Variants in GCAT observed in about 807,000 individuals in gnomAD.
GCAT encodes the protein glycine C-acetyltransferase.
A neutral mutation model predicts 39.7 loss-of-function variants in GCAT; 26 were observed. That is an observed-to-expected ratio of 0.65 (90% CI 0.48 to 0.91). The LOEUF (loss-of-function observed/expected upper bound fraction) is 0.91, where lower values mean the gene tolerates loss of function less well. Ranked by LOEUF, GCAT falls within the 40% of genes least tolerant of loss-of-function variation. The probability of loss-of-function intolerance (pLI) is 0.00; values close to 1 mark genes in which losing one functional copy is unlikely to be tolerated. For synonymous variants in GCAT, 218 were observed against 237.2 expected (o/e 0.92, Z 0.74); for missense variants, 550 against 576.2 (o/e 0.95, Z 0.47).
At position 37,816,661 on chromosome 22, in the gene GCAT, T is replaced by C. The variant is rs1405857785; in HGVS notation, c.1203T>C (p.Ile401=). The C allele has an allele frequency of 2.5e-6, 4 of 1,613,980 alleles. No homozygotes were observed. The highest frequency in any genetic ancestry group is 2.5e-6 in the Non-Finnish European group (3 of 1,180,030). ...CAGCAGTGCATAGCGAGGAAGACAT[T>C]GACCGCTGCGTGGAGGCCTTCGTGG... ...QISAVHSEED[I]DRCVEAFVEV... is the part of the protein sequence containing the mutation. Residue 401 remains isoleucine, a synonymous_variant, in exon 9 of 9, where the codon ATT becomes ATC. Transcript: ENST00000248924.
Position 37,815,569 on chromosome 22 carries a change from TG to T in GCAT, c.814+73del, listed in dbSNP as rs1367937738. ...AGGGCCCTGGAGGGGCTCAGGGAAGTGGGGAGGGCAGCATGGACTGTACTTT... is the reference window on the plus strand; with the variant it reads ...AGGGCCCTGGAGGGGCTCAGGGAAGTGGGAGGGCAGCATGGACTGTACTTT... On this transcript the variant is annotated intron_variant, in intron 6 of 8. Coordinates refer to ENST00000248924, the MANE Select transcript of GCAT (RefSeq NM_014291.4). 4.0e-6 allele frequency: 6 copies of T among 1,502,500 alleles called. No individual in the cohort carries two copies. The African/African-American group carries it at 6.9e-5, about 17-fold the overall frequency. 93.1% of individuals were successfully genotyped at this position (1,502,500 alleles called of 1,614,324 possible).
At position 37,816,295 on chromosome 22, in the gene GCAT, G is replaced by A. The variant is rs113961840; in HGVS notation, c.1082G>A (p.Arg361His). ...VMLGDARLAS[R>H]MADDMLKRGI... ...CTGGGTGATGCCCGGCTGGCCTCTC[G>A]CATGGCGGATGACATGCTGAAGAGA... The change falls in exon 8 of 9, where the codon CGC becomes CAC. Residue 361 changes from arginine (R) to histidine (H), a missense_variant. Coordinates refer to ENST00000248924, the MANE Select transcript of GCAT (RefSeq NM_014291.4). The A allele has an allele frequency of 1.4e-4, 229 of 1,612,096 alleles. 1 individual carries two copies. Among genetic ancestry groups the A allele is most frequent in the African/African-American group, 2.0e-4 (15 of 74,898 alleles).
At chr22:37,814,534 A>G (rs537514312) in intron 4 of GCAT, among the ~76,000 whole-genome samples, 3 of 152,144 alleles carry the variant, frequency 2.0e-5, no homozygotes, top group Non-Finnish European at 4.4e-5. Flanking sequence ...AAGTGTTGGG[A>G]TTACAGGCAT....
chr22:37,813,213 C>T, intron 3 of GCAT: 1 of 653,652 alleles, frequency 1.5e-6, no homozygotes, highest in Non-Finnish European at 2.8e-6. Flanking sequence ...GCTACATCAG[C>T]TGGAAGGCTG....
rs1232475939 is a variant in GCAT at position 37,808,160 on chromosome 22, G to T, written c.193G>T (p.Gly65Ter). Residue 65 changes from glycine to a stop codon, truncating the protein, a stop_gained, in exon 1 of 9, where the codon GGA becomes TGA. Coordinates refer to ENST00000248924, the MANE Select transcript of GCAT (RefSeq NM_014291.4). LOFTEE classifies it high-confidence loss of function. Reference protein sequence around the residue: ...GPHIRVDGVSGGILNFCANNY... With the variant: ...GPHIRVDGVS ...GCACATCCGCGTGGACGGCGTCTCC[G>T]GAGGTAACGCTCCGTTCCGGGAGTC... 1 of 1,499,896 alleles carries T rather than the reference G, an allele frequency of 6.7e-7. No homozygotes were observed. Among genetic ancestry groups the T allele is most frequent in the Admixed American group, 2.2e-5 (1 of 45,700 alleles). The allele number at this position is 1,499,896 out of a possible 1,614,324, so 92.9% of individuals were successfully genotyped here.
chr22:37,813,662 G>C, intron 4 of GCAT, 53 bp downstream of exon 4: 1 of 1,495,074 alleles, frequency 6.7e-7, no homozygotes, highest in Non-Finnish European at 8.9e-7. Flanking sequence ...AGGAAGTGAG[G>C]CTTAGAGAGG....
At chr22:37,812,673 A>G (rs900453372) in intron 2 of GCAT, among the ~76,000 whole-genome samples, 6 of 152,190 alleles carry the variant, frequency 3.9e-5, no homozygotes, top group African/African-American at 1.4e-4. Flanking sequence ...AAGTCTGCCC[A>G]GGGAGGGAAC....
chr22:37,814,704 C>T (rs1246848687), intron 4 of GCAT, among the ~76,000 whole-genome samples: 3 of 152,170 alleles, frequency 2.0e-5, no homozygotes, highest in African/African-American at 7.2e-5. Context: ...CACTATGTTG[C>T]CCAGGTGGGT....
rs758537417 is a variant in GCAT at position 37,813,557 on chromosome 22, G to A, written c.524G>A (p.Arg175His). The A allele has an allele frequency of 1.4e-5, 22 of 1,613,334 alleles. No individual in the cohort carries two copies. Among genetic ancestry groups the A allele is most frequent in the South Asian group, 9.9e-5 (9 of 91,060 alleles). Residue 175 changes from arginine to histidine, a missense_variant, in exon 4 of 9, where the codon CGC (arginine) becomes CAC (histidine). This residue lies in a region of GCAT where 378 missense variants were observed against 390.4 expected (regional missense o/e 0.97). Coordinates refer to ENST00000248924, the MANE Select transcript of GCAT (RefSeq NM_014291.4). The stretch of plus-strand genomic sequence containing the variant: ...CGGCTGTGCAAGGCCCACAAGTACC[G>A]CTATCGCCACCTGGACATGGCCGAC... ...GIRLCKAHKY[R>H]YRHLDMADLE... is the part of the protein sequence containing the mutation.
In GCAT at chr22:37,813,535, C is replaced by G; in HGVS notation, c.502C>G (p.Leu168Val). 1 of 1,613,562 alleles carries G rather than the reference C, an allele frequency of 6.2e-7. No homozygotes were observed. The highest frequency in any genetic ancestry group is 8.5e-7 in the Non-Finnish European group (1 of 1,179,952). ...TGCCTCCATCATCGACGGCATCCGG[C>G]TGTGCAAGGCCCACAAGTACCGCTA... Reference protein sequence around the residue: ...NHASIIDGIRLCKAHKYRYRH... With the variant: ...NHASIIDGIRVCKAHKYRYRH... Residue 168 changes from leucine (L) to valine (V), a missense_variant, in exon 4 of 9, where the codon CTG becomes GTG. Physicochemically the swap from Leu to Val is conservative, Grantham distance 32. Coordinates refer to ENST00000248924, the MANE Select transcript of GCAT (RefSeq NM_014291.4).
rs1287647624 is a variant in GCAT, at chr22:37,808,159, C to G, written c.192C>G (p.Ser64=). 5.4e-6 allele frequency: 8 copies of G among 1,494,346 alleles called. No homozygotes were observed. Among genetic ancestry groups the G allele is most frequent in the Admixed American group, 2.2e-5 (1 of 44,692 alleles). 92.6% of individuals were successfully genotyped at this position (1,494,346 alleles called of 1,614,324 possible). A position where few individuals can be genotyped will look rare whatever the true frequency, so the allele number is the denominator to read the frequency against. ...QGPHIRVDGV[S]GGILNFCANN... ...CGCACATCCGCGTGGACGGCGTCTC[C>G]GGAGGTAACGCTCCGTTCCGGGAGT... The change falls in exon 1 of 9, where the codon TCC becomes TCG. Residue 64 remains serine, a synonymous_variant. Transcript: ENST00000248924.
chr22:37,816,439 T>C (rs1037879460), intron 8 of GCAT, 118 bp downstream of exon 8: 70 of 1,523,734 alleles, frequency 4.6e-5, no homozygotes, highest in South Asian at 2.4e-4. Context: ...GCCAGCTGTC[T>C]GTCTAAGCTT....
Position 37,815,781 on chromosome 22 carries a change from T to C in GCAT, c.933T>C (p.Asp311=). 1 of 1,614,064 alleles carries C rather than the reference T, an allele frequency of 6.2e-7. No homozygotes were observed. Among genetic ancestry groups the C allele is most frequent in the South Asian group, 1.1e-5 (1 of 91,084 alleles). Residue 311 remains aspartate, a synonymous_variant, in exon 7 of 9, where the codon GAT becomes GAC. Transcript: ENST00000248924. ...AVVGCASKAL[D]LLMGSNTIVQ... Reference sequence around the variant, plus strand: ...TTGGCTGCGCCTCCAAGGCCCTAGATCTGCTGATGGGGAGTAACACCATTG... The same window carrying C: ...TTGGCTGCGCCTCCAAGGCCCTAGACCTGCTGATGGGGAGTAACACCATTG...
chr22:37,809,533 G>T (rs1324050054), intron 1 of GCAT, among the ~76,000 whole-genome samples: 1 of 152,184 alleles, frequency 6.6e-6, no homozygotes, highest in African/African-American at 2.4e-5. Context: ...CAAAGCCAGA[G>T]TTTAGGCTGG....
At position 37,808,168 on chromosome 22, in the gene GCAT, C is replaced by A. The variant is rs1446805663; in HGVS notation, c.196+5C>A. On this transcript the variant is annotated splice_donor_5th_base_variant and intron_variant, in intron 1 of 8. Coordinates refer to ENST00000248924, the MANE Select transcript of GCAT (RefSeq NM_014291.4). ...GCGTGGACGGCGTCTCCGGAGGTAA[C>A]GCTCCGTTCCGGGAGTCGTTCCAAG... 4.0e-6 allele frequency: 6 copies of A among 1,482,484 alleles called. No homozygotes were observed. The African/African-American group carries it at 7.3e-5, about 18-fold the overall frequency. The allele number at this position is 1,482,484 out of a possible 1,614,324, so 91.8% of individuals were successfully genotyped here.
At chr22:37,810,347 T>C (rs527238286) in intron 2 of GCAT, among the ~76,000 whole-genome samples, 190 bp downstream of exon 2, 8 of 152,174 alleles carry the variant, frequency 5.3e-5, no homozygotes, top group African/African-American at 1.9e-4. Flanking sequence ...GAACTTTATA[T>C]ATATATTTTT....
In GCAT at chr22:37,816,742, C is replaced by T. The variant is rs1922249621; in HGVS notation, c.*24C>T. On this transcript the variant is annotated 3_prime_UTR_variant, in exon 9 of 9. Transcript: ENST00000248924. ...GAGCTCTGGGTAAGGACGAGAAGAG[C>T]CAAGGTCCGCCTACTGCCACAGGGT... 1.2e-6 allele frequency: 2 copies of T among 1,612,512 alleles called. No homozygotes were observed. The highest frequency in any genetic ancestry group is 1.7e-6 in the Non-Finnish European group (2 of 1,179,220).
chr22:37,815,423 C>T lies in GCAT; in HGVS notation c.737C>T (p.Thr246Ile). The change falls in exon 6 of 9, where the codon ACA becomes ATA. Residue 246 changes from threonine (T) to isoleucine (I), a missense_variant. By Grantham distance (89) the Thr-to-Ile change is moderately conservative (BLOSUM62 -1). Coordinates refer to ENST00000248924, the MANE Select transcript of GCAT (RefSeq NM_014291.4). ...TGFLGPTGRG[T>I]DELLGVMDQV... ...AGCGGTGGCTTCCCTTGCAGGGGCA[C>T]AGATGAGCTGCTGGGTGTGATGGAC... 2 of 1,610,440 alleles carry T rather than the reference C, an allele frequency of 1.2e-6. No homozygotes were observed. The highest frequency in any genetic ancestry group is 8.5e-7 in the Non-Finnish European group (1 of 1,178,610).
chr22:37,808,986 C>A (rs888362377), intron 1 of GCAT, among the ~76,000 whole-genome samples: 2 of 152,210 alleles, frequency 1.3e-5, no homozygotes, highest in African/African-American at 4.8e-5. Flanking sequence ...CACTCCCAGC[C>A]CTCCCTCATT....
Sources: gnomAD v4.1 joint callset for allele counts (sites outside exome capture counted in the v4.1 genomes callset) on GRCh38, gnomAD v4.1.1 for gene constraint, gnomAD v4.1.1 regional missense constraint, MANE v1.5 for transcripts, NCBI Gene and HGNC (gene_info 2026-07-23, HGNC 2026-07-21) for gene names.